The following RBFOX1 variants were observed in gnomAD, a reference collection of about 807,000 sequenced individuals.
RBFOX1 encodes RNA binding protein fox-1 homolog 1.
In RBFOX1, 8 loss-of-function variants were observed where a neutral mutation model predicts 57.7. The observed-to-expected ratio is 0.14, with a 90% CI of 0.08 to 0.25. The LOEUF (loss-of-function observed/expected upper bound fraction) is 0.25. Ranked by LOEUF, RBFOX1 falls within the 10% of genes least tolerant of loss-of-function variation. The pLI, the probability that RBFOX1 is intolerant of heterozygous loss-of-function variation, is 1.00. For synonymous variants in RBFOX1, 326 were observed against 222.4 expected (o/e 1.47, Z -4.15); for missense variants, 611 against 548.5 (o/e 1.11, Z -1.14).
intron 4 of RBFOX1, among the ~76,000 whole-genome samples, chr16:7,403,078 T>A (rs2098271532): frequency 6.6e-6 from 1 of 152,196 alleles, no homozygotes; most frequent in Non-Finnish European, 1.5e-5. Flanking sequence ...CCACTTCTTT[T>A]TATTTTCCCC....
intron 3 of RBFOX1, among the ~76,000 whole-genome samples, chr16:5,713,690 C>G (rs2051578316): frequency 6.6e-6 from 1 of 152,188 alleles, no homozygotes; most frequent in Non-Finnish European, 1.5e-5. Flanking sequence ...AGTTCTTGCT[C>G]TATGTCATTG....
intron 14 of RBFOX1, chr16:7,693,475 T>C: frequency 7.2e-6 from 6 of 834,238 alleles, no homozygotes; most frequent in South Asian, 1.8e-5. Flanking sequence ...GAAAGTTTAG[T>C]TAAGAAAAAA....
chr16:6,173,651 T>C, intron 1 of RBFOX1, among the ~76,000 whole-genome samples: 2 of 120,596 alleles, frequency 1.7e-5, no homozygotes, highest in Admixed American at 1.1e-4. Flanking sequence ...ATTCTGTCAC[T>C]CAGGCTGGAG....
chr16:7,364,235 C>A (rs1227028640), intron 4 of RBFOX1, among the ~76,000 whole-genome samples: 1 of 152,130 alleles, frequency 6.6e-6, no homozygotes, highest in African/African-American at 2.4e-5. Flanking sequence ...AGCGGCTTTC[C>A]CATCTTCTAA....
chr16:5,904,566 C>G (rs1315143781), intron 4 of RBFOX1, among the ~76,000 whole-genome samples: 2 of 151,874 alleles, frequency 1.3e-5, no homozygotes, highest in African/African-American at 2.4e-5. Flanking sequence ...ATGGTGTGGT[C>G]TCTGTCCCTA....
intron 4 of RBFOX1, among the ~76,000 whole-genome samples, chr16:5,980,416 G>A (rs1298878015): frequency 6.6e-6 from 1 of 152,150 alleles, no homozygotes; most frequent in African/African-American, 2.4e-5. Flanking sequence ...GGGATGGGGA[G>A]CTTCAGGGTG....
intron 1 of RBFOX1, among the ~76,000 whole-genome samples, chr16:6,138,717 AT>A (rs2096687862): frequency 6.6e-6 from 1 of 152,116 alleles, no homozygotes; most frequent in South Asian, 2.1e-4. Flanking sequence ...AATACAAAAA[AT>A]TAGCAAGGGT....
At chr16:6,484,424 C>G (rs777507820) in intron 2 of RBFOX1, among the ~76,000 whole-genome samples, 5 of 149,726 alleles carry the variant, frequency 3.3e-5, no homozygotes, top group African/African-American at 9.7e-5. Context: ...ATACTGAACA[C>G]GCTTCGACTT....
chr16:5,398,515 T>G (rs1002292233), intron 1 of RBFOX1, among the ~76,000 whole-genome samples: 1 of 152,034 alleles, frequency 6.6e-6, no homozygotes, highest in Non-Finnish European at 1.5e-5. Context: ...TGAGCAGGTG[T>G]GCATGCATGT....
intron 3 of RBFOX1, among the ~76,000 whole-genome samples, chr16:6,933,330 A>G (rs1294616095): frequency 2.6e-5 from 4 of 152,210 alleles, no homozygotes; most frequent in Non-Finnish European, 5.9e-5. Context: ...TTTCCGTAGC[A>G]CTGCATCATT....
intron 5 of RBFOX1, among the ~76,000 whole-genome samples, chr16:7,552,023 G>A (rs1199864718): frequency 2.6e-5 from 4 of 152,094 alleles, no homozygotes; most frequent in Non-Finnish European, 4.4e-5. Flanking sequence ...ATGATGTTCA[G>A]GGCAGGTATT....
chr16:5,440,829 A>G (rs1031382990), intron 1 of RBFOX1, among the ~76,000 whole-genome samples: 2 of 152,202 alleles, frequency 1.3e-5, no homozygotes, highest in African/African-American at 4.8e-5. Context: ...GATTCCCATG[A>G]GTTGGTCTTC....
chr16:6,725,768 T>G (rs2067042282), intron 3 of RBFOX1, among the ~76,000 whole-genome samples: 1 of 152,214 alleles, frequency 6.6e-6, no homozygotes, highest in Non-Finnish European at 1.5e-5. Context: ...ACCAAAAATG[T>G]TGAAAATTCT....
intron 1 of RBFOX1, among the ~76,000 whole-genome samples, chr16:5,389,019 A>G (rs891776778): frequency 5.3e-5 from 8 of 151,402 alleles, no homozygotes; most frequent in African/African-American, 1.9e-4. Context: ...GTGAAACCCC[A>G]TCTCTAGTAA....
chr16:6,643,329 G>C (rs2098507570), intron 2 of RBFOX1, among the ~76,000 whole-genome samples: 1 of 152,178 alleles, frequency 6.6e-6, no homozygotes, highest in Admixed American at 6.5e-5. Flanking sequence ...AATGGAAAAG[G>C]AAGTGAATAA....
At chr16:5,365,775 C>G (rs1248727552) in intron 1 of RBFOX1, 2 of 498,750 alleles carry the variant, frequency 4.0e-6, no homozygotes, top group Non-Finnish European at 7.9e-6. Flanking sequence ...TCTCTCCCAC[C>G]TAAGTGCATG....
intron 4 of RBFOX1, among the ~76,000 whole-genome samples, chr16:7,091,827 C>A (rs1310483755): frequency 6.6e-6 from 1 of 152,142 alleles, no homozygotes; most frequent in Non-Finnish European, 1.5e-5. Flanking sequence ...ATAGAGATGG[C>A]CTGATTTGTA....
intron 2 of RBFOX1, among the ~76,000 whole-genome samples, chr16:6,487,731 ATATATATATATATATAT>A (rs2095535170): frequency 1.9e-5 from 1 of 51,810 alleles, no homozygotes; most frequent in Non-Finnish European, 4.0e-5. Flanking sequence ...ATATATATAT[ATATATATATATATATAT>A]ATATATAAAA....
chr16:6,926,678 A>T (rs1028147556), intron 3 of RBFOX1, among the ~76,000 whole-genome samples: 2 of 152,136 alleles, frequency 1.3e-5, no homozygotes, highest in Admixed American at 6.6e-5. Flanking sequence ...GTGCATGGTT[A>T]AGGTAAAAAT....
Sources: gnomAD v4.1 joint callset for allele counts (sites outside exome capture counted in the v4.1 genomes callset) on GRCh38, gnomAD v4.1.1 for gene constraint, MANE v1.5 for transcripts, NCBI Gene and HGNC (gene_info 2026-07-23, HGNC 2026-07-21) for gene names.